NHERF4: variants seen among roughly 807,000 people sequenced by gnomAD.
NHERF4 encodes Na(+)/H(+) exchange regulatory cofactor NHE-RF4.
At chr11:119,185,518 G>GC in the NHERF4 span, 1 of 1,613,892 alleles carries the variant, frequency 6.2e-7, no homozygotes, top group East Asian at 2.2e-5. Flanking sequence ...CAGGTAGGAG[G>GC]CCAGGAGAAA....
the NHERF4 span, chr11:119,189,456 T>C: frequency 3.1e-6 from 5 of 1,614,116 alleles, no homozygotes; most frequent in Non-Finnish European, 4.2e-6. This position sits in a 1 kb window ranked among gnomAD's most constrained non-coding sequence, Gnocchi z 5.8. Flanking sequence ...CTCCTCTCTC[T>C]GTATAGGACT....
the NHERF4 span, chr11:119,188,286 C>A: frequency 6.3e-7 from 1 of 1,593,300 alleles, no homozygotes; most frequent in South Asian, 1.1e-5. Context: ...ACTCTGGGGT[C>A]AGTCCCCTGG....
chr11:119,186,385 C>A, the NHERF4 span: 1 of 1,563,352 alleles, frequency 6.4e-7, no homozygotes, highest in East Asian at 2.2e-5. This position sits in a 1 kb window ranked among gnomAD's most constrained non-coding sequence, Gnocchi z 4.4. Context: ...GCCCAGCACC[C>A]TATCAGGACA....
At chr11:119,185,973 G>A in the NHERF4 span, 19 of 1,614,002 alleles carry the variant, frequency 1.2e-5, no homozygotes, top group Non-Finnish European at 1.4e-5. Flanking sequence ...CGAGGGTTGG[G>A]GCAAGGGGAG....
the NHERF4 span, chr11:119,188,189 G>A: frequency 6.6e-7 from 1 of 1,515,594 alleles, no homozygotes; most frequent in South Asian, 1.3e-5. Flanking sequence ...GGGCCTTGGG[G>A]TGGGCACACA....
the NHERF4 span, chr11:119,189,587 C>A: frequency 1.4e-6 from 2 of 1,387,618 alleles, no homozygotes; most frequent in Non-Finnish European, 2.0e-6. The surrounding 1 kb of genome is among the most constrained non-coding windows in gnomAD (Gnocchi z 5.8). Context: ...CTAAGCCAGA[C>A]CAGAGGGACT....
chr11:119,187,835 T>C, the NHERF4 span: 1 of 1,462,618 alleles, frequency 6.8e-7, no homozygotes, highest in African/African-American at 1.4e-5. Context: ...CCTCTACAGT[T>C]TGTGCCAGGC....
the NHERF4 span, chr11:119,188,113 C>A: frequency 6.5e-7 from 1 of 1,548,802 alleles, no homozygotes; most frequent in African/African-American, 1.4e-5. Flanking sequence ...GGTTCCTGCT[C>A]CGGGAGGAAA....
the NHERF4 span, chr11:119,189,669 G>A: frequency 1.4e-6 from 1 of 693,902 alleles, no homozygotes; most frequent in African/African-American, 1.7e-5. This position sits in a 1 kb window ranked among gnomAD's most constrained non-coding sequence, Gnocchi z 5.8. Context: ...AGCAGAGGGT[G>A]TGGTTGGAGG....
At chr11:119,188,220 T>C in the NHERF4 span, 3 of 1,537,406 alleles carry the variant, frequency 2.0e-6, no homozygotes, top group Non-Finnish European at 2.6e-6. Flanking sequence ...CACCTTTCAG[T>C]GCACCGAAGA....
chr11:119,188,657 C>A, the NHERF4 span: 2 of 1,614,170 alleles, frequency 1.2e-6, no homozygotes, highest in Admixed American at 3.3e-5. Flanking sequence ...TGTCCCCACT[C>A]CTCTTCTTGG....
the NHERF4 span, chr11:119,189,806 T>C: frequency 1.3e-5 from 6 of 470,732 alleles, no homozygotes; most frequent in South Asian, 1.5e-4. This position sits in a 1 kb window ranked among gnomAD's most constrained non-coding sequence, Gnocchi z 5.8. Context: ...CTGGACCTTT[T>C]CTAGATATGA....
chr11:119,186,504 C>G, the NHERF4 span: 1 of 1,614,180 alleles, frequency 6.2e-7, no homozygotes, highest in Non-Finnish European at 8.5e-7. This position sits in a 1 kb window ranked among gnomAD's most constrained non-coding sequence, Gnocchi z 4.4. Context: ...AGCGGCCTCG[C>G]TTCTGTTTAC....
the NHERF4 span, chr11:119,186,526 G>A: frequency 2.2e-5 from 35 of 1,614,226 alleles, no homozygotes; most frequent in Non-Finnish European, 2.6e-5. This position sits in a 1 kb window ranked among gnomAD's most constrained non-coding sequence, Gnocchi z 4.4. Flanking sequence ...GAGCAAAGAG[G>A]AGGGCAAGAG....
the NHERF4 span, chr11:119,189,548 C>T: frequency 6.3e-7 from 1 of 1,583,262 alleles, no homozygotes; most frequent in Non-Finnish European, 8.7e-7. This position sits in a 1 kb window ranked among gnomAD's most constrained non-coding sequence, Gnocchi z 5.8. Context: ...CACTCTCCAG[C>T]CTGAGGTGGT....
chr11:119,190,004 C>A, the NHERF4 span: 1 of 402,810 alleles, frequency 2.5e-6, no homozygotes, highest in Non-Finnish European at 4.4e-6. The surrounding 1 kb of genome is among the most constrained non-coding windows in gnomAD (Gnocchi z 4.2). Context: ...GTGAAGGGAC[C>A]AAAAGGGCCT....
At chr11:119,189,915 T>C in the NHERF4 span, 2 of 333,742 alleles carry the variant, frequency 6.0e-6, no homozygotes, top group Non-Finnish European at 1.1e-5. This position sits in a 1 kb window ranked among gnomAD's most constrained non-coding sequence, Gnocchi z 5.8. Context: ...TTGGTCACCG[T>C]TGCATTTGTT....
chr11:119,186,441 T>C, the NHERF4 span: 4 of 1,610,068 alleles, frequency 2.5e-6, no homozygotes, highest in Non-Finnish European at 3.4e-6. This position sits in a 1 kb window ranked among gnomAD's most constrained non-coding sequence, Gnocchi z 4.4. Context: ...GGCTGTGCCC[T>C]CTCCTCCCCC....
the NHERF4 span, chr11:119,187,488 A>C: frequency 6.2e-7 from 1 of 1,613,360 alleles, no homozygotes; most frequent in Non-Finnish European, 8.5e-7. Context: ...AGGGGGCGGC[A>C]AGGATGAGGG....
Sources: gnomAD v4.1 joint callset for allele counts on GRCh38, gnomAD v4.1.1 for gene constraint, Gnocchi (gnomAD v3.1) non-coding constraint, MANE v1.5 for transcripts, NCBI Gene and HGNC (gene_info 2026-07-23, HGNC 2026-07-21) for gene names.